Variants in ZAR1L observed in about 807,000 individuals in gnomAD.
The protein encoded by ZAR1L is protein ZAR1-like.
In ZAR1L, 16 loss-of-function variants were observed where a neutral mutation model predicts 30.0. The observed-to-expected ratio is 0.53, with a 90% CI of 0.36 to 0.81. The LOEUF (loss-of-function observed/expected upper bound fraction) is 0.81. Among genes scored for constraint, ZAR1L ranks in the 30% least tolerant of loss-of-function variants. The pLI is 0.00. For synonymous variants in ZAR1L, 197 were observed against 166.8 expected, an observed-to-expected ratio of 1.18 and a Z score of -1.40; for missense variants, 392 against 417.2, an observed-to-expected ratio of 0.94 and a Z score of 0.53.
rs959758362 is a variant in ZAR1L at position 32,310,741 on chromosome 13, A to G, written c.655-10T>C. 2 of 1,525,702 alleles carry G rather than the reference A, an allele frequency of 1.3e-6. No homozygotes were observed. Among genetic ancestry groups the G allele is most frequent in the Admixed American group, 2.0e-5 (1 of 50,910 alleles). The allele number at this position is 1,525,702 out of a possible 1,614,324, so 94.5% of individuals were successfully genotyped here. On this transcript the variant is annotated splice_polypyrimidine_tract_variant and intron_variant, in intron 3 of 5. Transcript: ENST00000533490. ...ATTTTGGTTCCAAAAACTGAAAATA[A>G]AGAAGAAAAGTACTTTACCATCATG...
chr13:32,308,799 TAC>T (rs1160901275), intron 4 of ZAR1L, 39 bp from the exon 5 acceptor site: 1 of 1,382,448 alleles, frequency 7.2e-7, no homozygotes, highest in Admixed American at 2.0e-5. Context: ...CAAGCTTTTA[TAC>T]ACACCCACAC....
At position 32,315,354 on chromosome 13, in the gene ZAR1L, G is replaced by C. The variant is rs533226610; in HGVS notation, c.-429C>G. ...TATTCGGTCAGATACTGACGGTTGG[G>C]ATGCCTGACAAGGAATTTCCTTTCG... is the stretch of plus-strand genomic sequence containing the variant. On this transcript the variant is annotated 5_prime_UTR_variant, in exon 1 of 6. In the 5' UTR this introduces an upstream ATG that the reference lacks. Coordinates refer to ENST00000533490, the MANE Select transcript of ZAR1L (RefSeq NM_001136571.2). 6.6e-6 allele frequency: 1 copy of C among 152,288 alleles called. No homozygotes were observed. Among genetic ancestry groups the C allele is most frequent in the Non-Finnish European group, 1.5e-5 (1 of 68,104 alleles). 9.4% of individuals were successfully genotyped at this position (152,288 alleles called of 1,614,324 possible).
chr13:32,304,500 G>A (rs370366731), intron 5 of ZAR1L, among the ~76,000 whole-genome samples: 1 of 152,178 alleles, frequency 6.6e-6, no homozygotes. Flanking sequence ...TCAACCAGGG[G>A]TGATTTTACT....
chr13:32,313,412 G>A (rs2072227951), intron 2 of ZAR1L, among the ~76,000 whole-genome samples: 2 of 152,204 alleles, frequency 1.3e-5, no homozygotes, highest in Non-Finnish European at 2.9e-5. Context: ...TGTCTCCCAG[G>A]CAGGAGTGCA....
chr13:32,311,810 C>G lies in ZAR1L; in HGVS notation c.116G>C (p.Gly39Ala), dbSNP rs948811985. The change falls in exon 3 of 6, where the codon GGT (glycine) becomes GCT (alanine). Residue 39 changes from glycine to alanine, a missense_variant. Transcript: ENST00000533490. The part of the protein sequence containing the change: ...HKQPDWRQNM[G>A]PPTFLARPGL... ...TGGCCTGGCCAGAAAAGTGGGAGGA[C>G]CCATATTTTGCCTCCAGTCGGGCTG... 6.4e-7 allele frequency: 1 copy of G among 1,551,558 alleles called. No homozygotes were observed. The highest frequency in any genetic ancestry group is 8.7e-7 in the Non-Finnish European group (1 of 1,147,014).
chr13:32,309,060 G>A (rs1036306010), intron 4 of ZAR1L, among the ~76,000 whole-genome samples: 5 of 149,958 alleles, frequency 3.3e-5, no homozygotes, highest in African/African-American at 4.9e-5. Flanking sequence ...GTGGGAAATC[G>A]GCTCACTGCA....
At chr13:32,306,485 T>A (rs1013111270) in intron 5 of ZAR1L, among the ~76,000 whole-genome samples, 4 of 151,982 alleles carry the variant, frequency 2.6e-5, no homozygotes, top group Admixed American at 2.0e-4. Flanking sequence ...GTAAGCAGAT[T>A]TACGAAGGGG....
At chr13:32,305,514 C>T (rs949815681) in intron 5 of ZAR1L, among the ~76,000 whole-genome samples, 1 of 152,240 alleles carries the variant, frequency 6.6e-6, no homozygotes, top group African/African-American at 2.4e-5. Context: ...GCGTGAGCCA[C>T]TGCACCCAGC....
intron 5 of ZAR1L, among the ~76,000 whole-genome samples, 167 bp from the exon 6 acceptor site, chr13:32,304,189 T>G (rs967967538): frequency 6.6e-6 from 1 of 152,188 alleles, no homozygotes; most frequent in Admixed American, 6.5e-5. Flanking sequence ...TGTATCACAT[T>G]AAATGTCAGA....
chr13:32,311,242 A>C, intron 3 of ZAR1L, 30 bp downstream of exon 3: 2 of 1,519,838 alleles, frequency 1.3e-6, no homozygotes, highest in Non-Finnish European at 1.8e-6. Flanking sequence ...AGGCTGGTCG[A>C]GGACTAAGAA....
intron 3 of ZAR1L, 95 bp from the exon 4 acceptor site, chr13:32,310,826 C>A (rs2072207009): frequency 1.3e-6 from 1 of 788,360 alleles, no homozygotes; most frequent in Non-Finnish European, 2.1e-6. Flanking sequence ...AAAATGACTT[C>A]TTTAACCTCA....
intron 4 of ZAR1L, among the ~76,000 whole-genome samples, 182 bp from the exon 5 acceptor site, chr13:32,308,942 A>C (rs1047432972): frequency 6.7e-6 from 1 of 149,634 alleles, no homozygotes; most frequent in Admixed American, 6.6e-5. Flanking sequence ...AGTTCTTATT[A>C]ATCACTTTTT....
intron 5 of ZAR1L, among the ~76,000 whole-genome samples, chr13:32,305,138 T>C (rs1248214023): frequency 2.0e-5 from 3 of 151,862 alleles, no homozygotes; most frequent in African/African-American, 7.3e-5. Context: ...ATTGTGAAAA[T>C]AGACATTTTT....
In ZAR1L at chr13:32,308,689, A is replaced by G. The variant is rs1334591170; in HGVS notation, c.819T>C (p.Cys273=). 7 of 1,550,024 alleles carry G rather than the reference A, an allele frequency of 4.5e-6. No individual in the cohort carries two copies. The East Asian group carries it at 7.3e-5, about 16-fold the overall frequency. Residue 273 remains cysteine, a synonymous_variant, in exon 5 of 6, where the codon TGT becomes TGC. Coordinates refer to ENST00000533490, the MANE Select transcript of ZAR1L (RefSeq NM_001136571.2). ...FNPYRVEAIQ[C]QTCSKSHCSC... is the part of the protein sequence containing the mutation. ...TGGAAGTGTTCCATATGCTCACCTGACATTGGATTGCTTCTACTCGATAAG... is the reference window on the plus strand; with the variant it reads ...TGGAAGTGTTCCATATGCTCACCTGGCATTGGATTGCTTCTACTCGATAAG...
rs1035743372 is a variant in ZAR1L, at chr13:32,304,072, T to C, written c.823-50A>G. ...GACGCTAAATGATCAGTTTAGTGTT[T>C]CAAATGTAACCCTCAAATCACAGTA... On this transcript the variant is annotated intron_variant, in intron 5 of 5. Transcript: ENST00000533490. The C allele has an allele frequency of 2.6e-6, 4 of 1,517,900 alleles. No homozygotes were observed. The Admixed American group carries it at 8.5e-5, about 32-fold the overall frequency. The allele number at this position is 1,517,900 out of a possible 1,614,324, so 94.0% of individuals were successfully genotyped here.
intron 4 of ZAR1L, among the ~76,000 whole-genome samples, chr13:32,309,085 G>A (rs1177824349): frequency 1.3e-5 from 2 of 151,632 alleles, no homozygotes; most frequent in Non-Finnish European, 2.9e-5. Flanking sequence ...CCGCCTCCTG[G>A]GTTCAAGCGA....
At chr13:32,306,889 C>T (rs1409291962) in intron 5 of ZAR1L, among the ~76,000 whole-genome samples, 1 of 135,444 alleles carries the variant, frequency 7.4e-6, no homozygotes, top group African/African-American at 2.8e-5. Context: ...CAAGATCATG[C>T]CACTGCACTC....
intron 4 of ZAR1L, 57 bp downstream of exon 4, chr13:32,310,582 C>T (rs1010128632): frequency 1.7e-6 from 2 of 1,193,784 alleles, no homozygotes; most frequent in Admixed American, 4.2e-5. Flanking sequence ...AGATTCTTCC[C>T]CGCTTACCAT....
rs563532945 is a variant in ZAR1L at position 32,311,352 on chromosome 13, C to A, written c.574G>T (p.Ala192Ser). ...GQLEESGEKD[A>S]PCPQETKSKQ... ...CTCTTCGTCTCCTGAGGGCACGGGGCGTCTTTCTCCCCCGATTCCTCCAGC... is the reference window on the plus strand; with the variant it reads ...CTCTTCGTCTCCTGAGGGCACGGGGAGTCTTTCTCCCCCGATTCCTCCAGC... The change falls in exon 3 of 6, where the codon GCC (alanine) becomes TCC (serine). Residue 192 changes from alanine (A) to serine (S), a missense_variant. Ala to Ser is a moderately conservative substitution (Grantham distance 99). Coordinates refer to ENST00000533490, the MANE Select transcript of ZAR1L (RefSeq NM_001136571.2). 12 of 1,550,776 alleles carry A rather than the reference C, an allele frequency of 7.7e-6. No individual in the cohort carries two copies. Among genetic ancestry groups the A allele is most frequent in the Non-Finnish European group, 1.0e-5 (12 of 1,146,966 alleles).
Sources: allele counts gnomAD v4.1 joint callset (sites outside exome capture counted in the v4.1 genomes callset), GRCh38; gene constraint gnomAD v4.1.1; transcripts MANE v1.5; gene names NCBI Gene and HGNC (gene_info 2026-07-23, HGNC 2026-07-21).